Variants in SP6 observed in about 807,000 individuals in gnomAD.
SP6 encodes the protein Sp6 transcription factor, also known as transcription factor Sp6.
A neutral mutation model predicts 23.4 loss-of-function variants in SP6; 10 were observed. The observed-to-expected ratio is 0.43, with a 90% confidence interval of 0.26 to 0.72. The LOEUF is 0.72. Ranked by LOEUF, SP6 falls within the 30% of genes least tolerant of loss-of-function variation. SP6 has a pLI of 0.23. For missense variants in SP6, 482 were observed against 523.8 expected, an observed-to-expected ratio of 0.92 and a Z score of 0.78; for synonymous variants, 238 against 238.7, an observed-to-expected ratio of 1.00 and a Z score of 0.03.
upstream of SP6, among the ~76,000 whole-genome samples, chr17:47,859,064 G>C (rs2034017834): frequency 6.6e-6 from 1 of 152,034 alleles, no homozygotes; most frequent in Non-Finnish European, 1.5e-5. Context: ...CGTGAGATAT[G>C]ATGCCTGGCC....
upstream of SP6, among the ~76,000 whole-genome samples, chr17:47,853,057 T>C (rs1170962146): frequency 1.3e-5 from 2 of 152,234 alleles, no homozygotes; most frequent in African/African-American, 4.8e-5. Context: ...AAACTGACCC[T>C]GGCAGGTCAG....
chr17:47,865,073 G>T, the SP6 span: 1 of 152,272 alleles, frequency 6.6e-6, no homozygotes, highest in Non-Finnish European at 1.5e-5. Flanking sequence ...GCAAGCTCTA[G>T]AGAGAAACCT....
At chr17:47,859,358 CG>C (rs1376542438), upstream of SP6, among the ~76,000 whole-genome samples, 1 of 152,210 alleles carries the variant, frequency 6.6e-6, no homozygotes, top group Non-Finnish European at 1.5e-5. Flanking sequence ...GGCACATAGG[CG>C]GCTTTCTCTG....
the SP6 span, among the ~76,000 whole-genome samples, chr17:47,866,316 G>A: frequency 2.6e-5 from 4 of 152,174 alleles, no homozygotes; most frequent in African/African-American, 9.7e-5. Flanking sequence ...GGGTCTCTGA[G>A]AGGGTTTCTT....
upstream of SP6, among the ~76,000 whole-genome samples, chr17:47,859,719 C>T (rs2034022132): frequency 6.6e-6 from 1 of 152,166 alleles, no homozygotes; most frequent in African/African-American, 2.4e-5. Context: ...CTACTGTCCC[C>T]CTGGCTGGCC....
upstream of SP6, among the ~76,000 whole-genome samples, chr17:47,856,997 G>C (rs1310524583): frequency 6.6e-6 from 1 of 151,940 alleles, no homozygotes; most frequent in Non-Finnish European, 1.5e-5. Context: ...GCCCTGACAG[G>C]TCCTTCCTCT....
Position 47,848,382 on chromosome 17 carries a change from C to G in SP6, c.48G>C (p.Ala16=). ...CGAGGCGCGGCGGGGAGGCGTGCGG[C>G]GCTTCCGTGTGCTGGCTGCCCAGAG... ...CGSLGSQHTE[A]PHASPPRLDL... is the part of the protein sequence containing the mutation. The change falls in exon 2 of 2, where the codon GCG becomes GCC. Residue 16 remains alanine, a synonymous_variant. Coordinates refer to ENST00000536300, the MANE Select transcript of SP6 (RefSeq NM_001258248.2). This position sits in a 1 kb window ranked among gnomAD's most constrained non-coding sequence, Gnocchi z 5.3. The G allele has an allele frequency of 6.4e-7, 1 of 1,557,978 alleles. No individual in the cohort carries two copies.
the SP6 span, among the ~76,000 whole-genome samples, chr17:47,861,808 G>A: frequency 2.4e-4 from 37 of 152,102 alleles, no homozygotes; most frequent in Non-Finnish European, 4.6e-4. Flanking sequence ...CACTTTAGGA[G>A]GCCAAAGTGG....
At position 47,845,387 on chromosome 17, in the gene SP6, G is replaced by A. The variant is rs1361559574; in HGVS notation, c.*1912C>T. 1 of 152,234 alleles carries A rather than the reference G, an allele frequency of 6.6e-6. No homozygotes were observed. The highest frequency in any genetic ancestry group is 1.5e-5 in the Non-Finnish European group (1 of 68,040). The allele number at this position is 152,234 out of a possible 1,614,324, so 9.4% of individuals were successfully genotyped here. ...AGCAAGGAAGGGGATCTCTGGTTGG[G>A]TTAGCAGGAGGTAGGGAAAAGAGAA... On this transcript the variant is annotated 3_prime_UTR_variant, in exon 2 of 2. Transcript: ENST00000536300.
upstream of SP6, among the ~76,000 whole-genome samples, chr17:47,860,048 T>A (rs865985816): frequency 6.6e-6 from 1 of 151,374 alleles, no homozygotes; most frequent in South Asian, 2.1e-4. Flanking sequence ...CCCCATTACC[T>A]ACAGGAGAAA....
the SP6 span, among the ~76,000 whole-genome samples, chr17:47,870,582 C>G: frequency 1.3e-5 from 2 of 152,104 alleles, no homozygotes; most frequent in African/African-American, 4.8e-5. Context: ...TAAAGACTGA[C>G]CTGTCTGGAG....
chr17:47,848,157 G>A lies in SP6; in HGVS notation c.273C>T (p.Pro91=). The change falls in exon 2 of 2, where the codon CCC becomes CCT. Residue 91 remains proline, a synonymous_variant. Transcript: ENST00000536300. The surrounding 1 kb of genome is among the most constrained non-coding windows in gnomAD (Gnocchi z 5.3). ...LESDSPLAPG[P]FSKLLQPDMS... ...TGTCCGGCTGCAGGAGCTTGGAAAA[G>A]GGGCCCGGGGCCAAGGGACTGTCGC... 1 of 1,613,422 alleles carries A rather than the reference G, an allele frequency of 6.2e-7. No individual in the cohort carries two copies. Among genetic ancestry groups the A allele is most frequent in the African/African-American group, 1.3e-5 (1 of 75,050 alleles).
At chr17:47,853,653 A>C (rs2033978204), upstream of SP6, among the ~76,000 whole-genome samples, 1 of 152,060 alleles carries the variant, frequency 6.6e-6, no homozygotes, top group Non-Finnish European at 1.5e-5. Flanking sequence ...AGGATGGTAG[A>C]CACTCCCTGC....
Position 47,847,010 on chromosome 17 carries a change from G to T in SP6, c.*289C>A. 2.4e-6 allele frequency: 1 copy of T among 421,980 alleles called. No individual in the cohort carries two copies. Among genetic ancestry groups the T allele is most frequent in the East Asian group, 3.9e-5 (1 of 25,884 alleles). 26.1% of individuals were successfully genotyped at this position (421,980 alleles called of 1,614,324 possible). A position where few individuals can be genotyped will look rare whatever the true frequency, so the allele number is the denominator to read the frequency against. ...TGTCCCCGCCAGCCAGCCGCGGTAC[G>T]GGTGTCCCACCCCAACCCCCCAGCC... On this transcript the variant is annotated 3_prime_UTR_variant, in exon 2 of 2. Coordinates refer to ENST00000536300, the MANE Select transcript of SP6 (RefSeq NM_001258248.2).
chr17:47,852,481 G>T (rs1454104028), upstream of SP6, among the ~76,000 whole-genome samples: 1 of 151,930 alleles, frequency 6.6e-6, no homozygotes, highest in Non-Finnish European at 1.5e-5. Context: ...TTTCAGATTC[G>T]TCTCCTCTGT....
Position 47,847,041 on chromosome 17 carries a change from G to T in SP6, c.*258C>A. The stretch of plus-strand genomic sequence containing the variant: ...CCCACCCCAACCCCCCAGCCCAGGG[G>T]CGAGGGAAACTGTGAGGCAGGGGAG... On this transcript the variant is annotated 3_prime_UTR_variant, in exon 2 of 2. Coordinates refer to ENST00000536300, the MANE Select transcript of SP6 (RefSeq NM_001258248.2). 2 of 500,714 alleles carry T rather than the reference G, an allele frequency of 4.0e-6. No individual in the cohort carries two copies. Among genetic ancestry groups the T allele is most frequent in the East Asian group, 3.3e-5 (1 of 30,322 alleles). 31.0% of individuals were successfully genotyped at this position (500,714 alleles called of 1,614,324 possible).
the SP6 span, among the ~76,000 whole-genome samples, chr17:47,865,681 C>G: frequency 2.0e-5 from 3 of 152,138 alleles, no homozygotes; most frequent in Non-Finnish European, 2.9e-5. Flanking sequence ...TGCCTGGGGA[C>G]TTTTGTTAGC....
chr17:47,849,519 C>A (rs2033933768), intron 1 of SP6, among the ~76,000 whole-genome samples: 1 of 152,140 alleles, frequency 6.6e-6, no homozygotes, highest in Non-Finnish European at 1.5e-5. Flanking sequence ...TCAGAAGCTC[C>A]CCACCACCAC....
chr17:47,848,142 C>T lies in SP6; in HGVS notation c.288G>A (p.Leu96=), dbSNP rs1348081597. The change falls in exon 2 of 2, where the codon CTG becomes CTA. Residue 96 remains leucine, a synonymous_variant. Transcript: ENST00000536300. This position sits in a 1 kb window ranked among gnomAD's most constrained non-coding sequence, Gnocchi z 5.3. ...CATAATGGTGTGACATGTCCGGCTG[C>T]AGGAGCTTGGAAAAGGGGCCCGGGG... ...PLAPGPFSKL[L]QPDMSHHYES... The T allele has an allele frequency of 1.9e-6, 3 of 1,613,448 alleles. No homozygotes were observed. The highest frequency in any genetic ancestry group is 2.2e-5 in the East Asian group (1 of 44,886).
Sources: allele counts gnomAD v4.1 joint callset (sites outside exome capture counted in the v4.1 genomes callset), GRCh38; gene constraint gnomAD v4.1.1; non-coding constraint Gnocchi (gnomAD v3.1); transcripts MANE v1.5; gene names NCBI Gene and HGNC (gene_info 2026-07-23, HGNC 2026-07-21).